Variants in MGAM observed in about 807,000 individuals in gnomAD.
MGAM encodes maltase-glucoamylase.
A neutral mutation model predicts 358.8 loss-of-function variants in MGAM; 253 were observed. The ratio of observed to expected loss-of-function variants is 0.71; its 90% CI spans 0.64 to 0.78. The LOEUF is 0.78. Ranked by LOEUF, MGAM falls within the 30% of genes least tolerant of loss-of-function variation. The pLI is 0.00. For synonymous variants in MGAM, 1,105 were observed against 1,227.1 expected (o/e 0.90, Z 2.08); for missense variants, 3,080 against 3,432.6 (o/e 0.90, Z 2.57).
chr7:142,083,115 A>T (rs2129053665), intron 52 of MGAM, among the ~76,000 whole-genome samples, 186 bp from the exon 53 acceptor site: 1 of 146,610 alleles, frequency 6.8e-6, no homozygotes, highest in South Asian at 2.2e-4. Flanking sequence ...CAAAGGAAGC[A>T]AACCCAGGAA....
chr7:142,013,947 T>G (rs1186088528), intron 3 of MGAM, among the ~76,000 whole-genome samples: 1 of 152,192 alleles, frequency 6.6e-6, no homozygotes, highest in African/African-American at 2.4e-5. Flanking sequence ...ATTTAATTCT[T>G]AAGGAGTGGA....
chr7:142,088,024 C>G (rs1345183531), intron 57 of MGAM, among the ~76,000 whole-genome samples: 1 of 146,200 alleles, frequency 6.8e-6, no homozygotes, highest in Admixed American at 6.9e-5. Context: ...GTTTTCAGGG[C>G]AAGTGGTGAG....
chr7:142,032,344 CAGAG>C (rs1176190669), intron 13 of MGAM, among the ~76,000 whole-genome samples: 1 of 151,964 alleles, frequency 6.6e-6, no homozygotes, highest in African/African-American at 2.4e-5. Flanking sequence ...TCAAACAATA[CAGAG>C]AGTTAAAAAG....
chr7:142,094,005 C>T (rs1452600248), intron 60 of MGAM, among the ~76,000 whole-genome samples: 1 of 146,060 alleles, frequency 6.8e-6, no homozygotes, highest in Non-Finnish European at 1.6e-5. Context: ...GCTTTGTAAG[C>T]TCAATTAATA....
At chr7:142,104,069 G>A (rs954776304) in intron 70 of MGAM, among the ~76,000 whole-genome samples, 10 of 152,054 alleles carry the variant, frequency 6.6e-5, no homozygotes, top group Non-Finnish European at 1.3e-4. Context: ...AGCCAGGATG[G>A]TCTCGATCTC....
chr7:142,080,825 C>T lies in MGAM; in HGVS notation c.5882C>T (p.Pro1961Leu). Residue 1961 changes from proline (P) to leucine (L), a missense_variant, in exon 50 of 71, where the codon CCA becomes CTA. This residue lies in a region of MGAM where 932 missense variants were observed against 1,198.2 expected (regional missense o/e 0.78). Transcript: ENST00000475668. Reference protein sequence around the residue: ...YDPNNNRYEVPVPLNIPSVPS... With the variant: ...YDPNNNRYEVLVPLNIPSVPS... Reference sequence around the variant, plus strand: ...CCCAACAACAATCGGTATGAAGTTCCAGTCCCTCTGAACATACCCAGCGTG... The same window carrying T: ...CCCAACAACAATCGGTATGAAGTTCTAGTCCCTCTGAACATACCCAGCGTG... The T allele has an allele frequency of 6.4e-7, 1 of 1,555,918 alleles. No homozygotes were observed. Among genetic ancestry groups the T allele is most frequent in the Non-Finnish European group, 8.8e-7 (1 of 1,132,214 alleles).
Position 142,040,728 on chromosome 7 carries a change from C to CA in MGAM, c.2382dup (p.Val795SerfsTer52). The CA allele has an allele frequency of 6.2e-7, 1 of 1,612,876 alleles. No homozygotes were observed. Among genetic ancestry groups the CA allele is most frequent in the Non-Finnish European group, 8.5e-7 (1 of 1,179,412 alleles). Reference sequence around the variant, plus strand: ...ATTTATCTGCATGCATCAGGGGAGCCAAGTGAGATGGAGGAAGCAAAAAGT... The same window carrying CA: ...ATTTATCTGCATGCATCAGGGGAGCCAAAGTGAGATGGAGGAAGCAAAAAGT... On this transcript the variant is annotated frameshift_variant, in exon 21 of 71. Coordinates refer to ENST00000475668, the MANE Select transcript of MGAM (RefSeq NM_001365693.1). LOFTEE classifies it high-confidence loss of function.
intron 50 of MGAM, among the ~76,000 whole-genome samples, chr7:142,081,529 G>A: frequency 6.9e-6 from 1 of 145,858 alleles, no homozygotes; most frequent in East Asian, 2.0e-4. Flanking sequence ...AAGAAAAGAA[G>A]TCTAGTGTGG....
In MGAM at chr7:142,055,675, A is replaced by G; in HGVS notation, c.3432A>G (p.Arg1144=). 6.2e-7 allele frequency: 1 copy of G among 1,613,738 alleles called. No homozygotes were observed. The change falls in exon 28 of 71, where the codon AGA becomes AGG. Residue 1144 remains arginine, a synonymous_variant. Transcript: ENST00000475668. ...AAACTGAGCACAGGTCCTATAGGAG[A>G]GACTTGGAGTGGCACACTTGGGGGA... The part of the protein sequence containing the change: ...FGETEHRSYR[R]DLEWHTWGMF...
upstream of MGAM, among the ~76,000 whole-genome samples, chr7:141,992,387 G>A (rs1803986015): frequency 6.6e-6 from 1 of 151,936 alleles, no homozygotes; most frequent in Non-Finnish European, 1.5e-5. Context: ...CCTATTCCTG[G>A]GTCTCAATTT....
At chr7:141,990,511 G>A (rs1554447079) in intron 2 of MGAM, among the ~76,000 whole-genome samples, 1 of 152,092 alleles carries the variant, frequency 6.6e-6, no homozygotes, top group Non-Finnish European at 1.5e-5. Flanking sequence ...GTTCCCTATT[G>A]CTTGCAAAAT....
chr7:142,036,916 T>C lies in MGAM; in HGVS notation c.2170T>C (p.Tyr724His). ...CCGCTATACTCTATTGCCCTACCTA[T>C]ACACCCTCTTCTTCCGTGCTCACAG... ...NIRYTLLPYLYTLFFRAHSRG... is the reference protein window; with the variant it reads ...NIRYTLLPYLHTLFFRAHSRG... The change falls in exon 18 of 71, where the codon TAC (tyrosine) becomes CAC (histidine). Residue 724 changes from tyrosine to histidine, a missense_variant. Coordinates refer to ENST00000475668, the MANE Select transcript of MGAM (RefSeq NM_001365693.1). 1 of 1,613,778 alleles carries C rather than the reference T, an allele frequency of 6.2e-7. No individual in the cohort carries two copies. Among genetic ancestry groups the C allele is most frequent in the Non-Finnish European group, 8.5e-7 (1 of 1,179,706 alleles).
chr7:142,047,936 C>G (rs1810542085), intron 22 of MGAM, 63 bp downstream of exon 22: 3 of 1,235,550 alleles, frequency 2.4e-6, no homozygotes, highest in Non-Finnish European at 3.5e-6. Context: ...TGGTCCTTCA[C>G]TCCTGCTGGT....
At chr7:142,105,157 G>A (rs983652526) in intron 70 of MGAM, among the ~76,000 whole-genome samples, 2 of 152,290 alleles carry the variant, frequency 1.3e-5, no homozygotes, top group East Asian at 3.9e-4. Flanking sequence ...GGCAAACACT[G>A]GGGTGCTATA....
chr7:142,062,688 G>A lies in MGAM; in HGVS notation c.4243G>A (p.Asp1415Asn), dbSNP rs754566813. The change falls in exon 35 of 71, where the codon GAT becomes AAT. Residue 1415 changes from aspartate to asparagine, a missense_variant. By Grantham distance (23) the Asp-to-Asn change is conservative (BLOSUM62 1). Coordinates refer to ENST00000475668, the MANE Select transcript of MGAM (RefSeq NM_001365693.1). Reference protein sequence around the residue: ...PQNPERSLKFDGMWIDMNEPS... With the variant: ...PQNPERSLKFNGMWIDMNEPS... The stretch of plus-strand genomic sequence containing the variant: ...GAATCCAGAGAGGAGCTTGAAGTTT[G>A]ATGGCATGTGGATTGTAAGTGTGTG... 6.2e-7 allele frequency: 1 copy of A among 1,609,924 alleles called. No individual in the cohort carries two copies. Among genetic ancestry groups the A allele is most frequent in the Non-Finnish European group, 8.5e-7 (1 of 1,178,402 alleles).
At chr7:142,003,797 A>G (rs1302496269) in intron 1 of MGAM, among the ~76,000 whole-genome samples, 4 of 152,234 alleles carry the variant, frequency 2.6e-5, no homozygotes, top group Non-Finnish European at 5.9e-5. Flanking sequence ...CAAACAGTGT[A>G]TCTGACAAAG....
In MGAM at chr7:142,034,697, G is replaced by A. The variant is rs1554465135; in HGVS notation, c.1815G>A (p.Lys605=). Residue 605 remains lysine, a synonymous_variant, in exon 16 of 71, where the codon AAG becomes AAA. Transcript: ENST00000475668. The part of the protein sequence containing the change: ...AEAAKTVFPN[K]RSFILTRSTF... Reference sequence around the variant, plus strand: ...CTGCCAAGACTGTGTTCCCTAATAAGAGAAGCTTCATTCTGACCCGTTCTA... The same window carrying A: ...CTGCCAAGACTGTGTTCCCTAATAAAAGAAGCTTCATTCTGACCCGTTCTA... 8 of 1,613,458 alleles carry A rather than the reference G, an allele frequency of 5.0e-6. No homozygotes were observed. Among genetic ancestry groups the A allele is most frequent in the Non-Finnish European group, 5.9e-6 (7 of 1,179,604 alleles).
intron 3 of MGAM, among the ~76,000 whole-genome samples, chr7:142,009,591 C>A (rs1367584447): frequency 6.6e-6 from 1 of 152,112 alleles, no homozygotes; most frequent in Non-Finnish European, 1.5e-5. Flanking sequence ...TTCTTTGGTG[C>A]TTTATTGTAA....
chr7:142,071,093 G>A lies in MGAM; in HGVS notation c.5161G>A (p.Glu1721Lys), dbSNP rs7797111. Residue 1721 changes from glutamate to lysine, a missense_variant, in exon 44 of 71, where the codon GAG (glutamate) becomes AAG (lysine). Physicochemically the swap from Glu to Lys is moderately conservative, Grantham distance 56. Transcript: ENST00000475668. Reference protein sequence around the residue: ...VRGGYILPWQEPALNTHLSRK... With the variant: ...VRGGYILPWQKPALNTHLSRK... ...TGGGGGCTACATCCTGCCCTGGCAA[G>A]AGCCTGCACTGAACACCCACTTAAG... The A allele has an allele frequency of 1.9e-3, 2,908 of 1,555,944 alleles. 165 individuals are homozygous for A. In the African/African-American group the frequency reaches 0.035, roughly 19 times the overall value.
Sources: gnomAD v4.1 joint callset for allele counts (sites outside exome capture counted in the v4.1 genomes callset) on GRCh38, gnomAD v4.1.1 for gene constraint, gnomAD v4.1.1 regional missense constraint, MANE v1.5 for transcripts, NCBI Gene and HGNC (gene_info 2026-07-23, HGNC 2026-07-21) for gene names.